Variants in DLG2 observed in about 807,000 individuals in gnomAD.
DLG2 encodes discs large MAGUK scaffold protein 2.
A neutral mutation model predicts 132.5 loss-of-function variants in DLG2; 45 were observed. The ratio of observed to expected loss-of-function variants is 0.34; its 90% CI spans 0.27 to 0.44. The LOEUF is 0.44. Ranked by LOEUF, DLG2 falls within the 20% of genes least tolerant of loss-of-function variation. DLG2 has a pLI of 1.00. For synonymous variants in DLG2, 424 were observed against 419.6 expected, an observed-to-expected ratio of 1.01 and a Z score of -0.13; for missense variants, 1,045 against 1,196.9, an observed-to-expected ratio of 0.87 and a Z score of 1.87.
At chr11:83,778,211 CTTATCAAATTGAAGGA>C (rs1487271953) in intron 18 of DLG2, among the ~76,000 whole-genome samples, 1 of 152,094 alleles carries the variant, frequency 6.6e-6, no homozygotes, top group Non-Finnish European at 1.5e-5. Flanking sequence ...CCTGAAATTC[CTTATCAAATTGAAGGA>C]TTATCTAGTG....
intron 8 of DLG2, among the ~76,000 whole-genome samples, chr11:84,204,404 G>C (rs2096638846): frequency 2.6e-5 from 4 of 152,106 alleles, no homozygotes; most frequent in Admixed American, 2.6e-4. Context: ...ACTGTAATAG[G>C]TTAAAGATGG....
At chr11:84,069,237 G>A (rs2154141999) in intron 10 of DLG2, among the ~76,000 whole-genome samples, 1 of 152,254 alleles carries the variant, frequency 6.6e-6, no homozygotes, top group South Asian at 2.1e-4. Flanking sequence ...GTTTTGAAGG[G>A]TCATTCTACT....
chr11:85,518,723 G>T (rs770669632), intron 3 of DLG2, among the ~76,000 whole-genome samples: 1 of 152,154 alleles, frequency 6.6e-6, no homozygotes, highest in Non-Finnish European at 1.5e-5. Flanking sequence ...TCCAAGACAT[G>T]TTAGAGATCT....
At chr11:85,166,665 C>A (rs1181732336) in intron 4 of DLG2, among the ~76,000 whole-genome samples, 1 of 152,070 alleles carries the variant, frequency 6.6e-6, no homozygotes, top group African/African-American at 2.4e-5. Flanking sequence ...GAAAAATAAA[C>A]TTGTCATTGC....
At chr11:85,373,748 C>T (rs2085175127) in intron 3 of DLG2, among the ~76,000 whole-genome samples, 1 of 152,166 alleles carries the variant, frequency 6.6e-6, no homozygotes, top group African/African-American at 2.4e-5. Context: ...CCCTGCTTTA[C>T]TCACCCTTTA....
intron 2 of DLG2, among the ~76,000 whole-genome samples, chr11:85,599,038 G>T (rs958206021): frequency 2.0e-5 from 3 of 151,994 alleles, no homozygotes; most frequent in African/African-American, 7.3e-5. Context: ...ATTCAATCCT[G>T]GCCACGATGT....
chr11:84,742,292 G>A (rs2064785288), intron 6 of DLG2, among the ~76,000 whole-genome samples: 2 of 152,080 alleles, frequency 1.3e-5, no homozygotes, highest in Non-Finnish European at 2.9e-5. Context: ...GATCCAAGAA[G>A]CTCAAAAAAT....
intron 8 of DLG2, among the ~76,000 whole-genome samples, chr11:84,229,455 T>A (rs2097059014): frequency 6.6e-6 from 1 of 152,170 alleles, no homozygotes; most frequent in Admixed American, 6.5e-5. Flanking sequence ...TAAATCTCAA[T>A]AAGTGGGCAG....
intron 6 of DLG2, among the ~76,000 whole-genome samples, chr11:84,731,481 G>C (rs1019022726): frequency 4.0e-5 from 6 of 151,896 alleles, no homozygotes; most frequent in Non-Finnish European, 7.4e-5. Context: ...AATTAGGAGA[G>C]TGATAAGTGA....
chr11:84,835,855 TTGA>T (rs1201032979), intron 6 of DLG2, among the ~76,000 whole-genome samples: 6 of 151,794 alleles, frequency 4.0e-5, no homozygotes, highest in Non-Finnish European at 5.9e-5. Context: ...GTGATCTAAA[TTGA>T]TGTCTAGTTG....
intron 6 of DLG2, among the ~76,000 whole-genome samples, chr11:84,540,135 G>A (rs2154521972): frequency 6.6e-6 from 1 of 152,166 alleles, no homozygotes; most frequent in South Asian, 2.1e-4. Context: ...GCATGGGCAA[G>A]AACTTCATGT....
intron 7 of DLG2, among the ~76,000 whole-genome samples, chr11:84,414,799 G>C (rs1477206924): frequency 6.6e-6 from 1 of 152,108 alleles, no homozygotes; most frequent in Non-Finnish European, 1.5e-5. Context: ...ATTAATTATG[G>C]AATGATGTTT....
intron 18 of DLG2, among the ~76,000 whole-genome samples, chr11:83,686,167 A>G (rs1018730038): frequency 9.2e-5 from 14 of 152,078 alleles, no homozygotes; most frequent in Non-Finnish European, 1.3e-4. Context: ...AACAAAATTC[A>G]GACACCAACA....
At chr11:84,497,453 C>G (rs1330970056) in intron 7 of DLG2, among the ~76,000 whole-genome samples, 3 of 151,924 alleles carry the variant, frequency 2.0e-5, no homozygotes, top group African/African-American at 7.3e-5. Flanking sequence ...AGTATATATC[C>G]CACTATCCAA....
At chr11:83,875,036 T>C (rs916187750) in intron 15 of DLG2, among the ~76,000 whole-genome samples, 2 of 152,164 alleles carry the variant, frequency 1.3e-5, no homozygotes, top group African/African-American at 4.8e-5. Context: ...AACAAAATTT[T>C]ACACAGAACC....
intron 21 of DLG2, among the ~76,000 whole-genome samples, chr11:83,507,614 T>A (rs1460707839): frequency 6.9e-6 from 1 of 145,952 alleles, no homozygotes; most frequent in African/African-American, 2.5e-5. Context: ...TATAGATATA[T>A]ATAAATAAAT....
intron 4 of DLG2, among the ~76,000 whole-genome samples, chr11:85,178,168 C>G (rs998883441): frequency 3.3e-5 from 5 of 151,578 alleles, no homozygotes; most frequent in Non-Finnish European, 5.9e-5. Context: ...ATATTTAGAC[C>G]AATGCTAAAT....
At chr11:84,869,369 T>C (rs2085117731) in intron 6 of DLG2, among the ~76,000 whole-genome samples, 1 of 152,226 alleles carries the variant, frequency 6.6e-6, no homozygotes, top group Non-Finnish European at 1.5e-5. Context: ...CTGAGCCTTT[T>C]ACTGCCTTCA....
chr11:85,060,153 T>C (rs924858130), intron 6 of DLG2, among the ~76,000 whole-genome samples: 1 of 151,462 alleles, frequency 6.6e-6, no homozygotes, highest in African/African-American at 2.4e-5. Context: ...TTCAGTGAGT[T>C]TGGCGACTTT....
Sources: allele counts gnomAD v4.1 joint callset (sites outside exome capture counted in the v4.1 genomes callset), GRCh38; gene constraint gnomAD v4.1.1; transcripts MANE v1.5; gene names NCBI Gene and HGNC (gene_info 2026-07-23, HGNC 2026-07-21).